HUWE1: variants seen among roughly 807,000 people sequenced by gnomAD.
The protein encoded by HUWE1 is HECT, UBA and WWE domain containing E3 ubiquitin protein ligase 1.
HUWE1 carries 18 observed loss-of-function variants against 299.4 expected under a neutral mutation model. That is an observed-to-expected ratio of 0.06 (90% CI 0.04 to 0.09). HUWE1 has a LOEUF of 0.09. Ranked by LOEUF, HUWE1 falls within the 10% of genes least tolerant of loss-of-function variation. HUWE1 has a pLI of 1.00. For missense variants in HUWE1, 1,832 were observed against 3,462.3 expected (o/e 0.53, Z 11.82); for synonymous variants, 1,317 against 1,286.1 (o/e 1.02, Z -0.51).
rs1011558944 is a variant in HUWE1 at position 53,532,100 on chromosome X, G to C, written c.*1209C>G. 18 of 110,839 alleles carry C rather than the reference G, an allele frequency of 1.6e-4. No individual in the cohort carries two copies. The highest frequency in any genetic ancestry group is 5.9e-4 in the African/African-American group (18 of 30,387). 9.1% of individuals were successfully genotyped at this position (110,839 alleles called of 1,213,427 possible). On this transcript the variant is annotated 3_prime_UTR_variant, in exon 84 of 84. Coordinates refer to ENST00000262854, the MANE Select transcript of HUWE1 (RefSeq NM_031407.7). ...ACCACACAAGGCAAGCACCACTTGG[G>C]GTTATTTTTTCTAACTAAATTTTTA... is the stretch of plus-strand genomic sequence containing the variant.
At position 53,630,991 on chromosome X, in the gene HUWE1, T is replaced by C. The variant is rs1557022218; in HGVS notation, c.806A>G (p.Asn269Ser). The C allele has an allele frequency of 8.3e-7, 1 of 1,199,061 alleles. No individual in the cohort carries two copies. Residue 269 changes from asparagine (N) to serine (S), a missense_variant, in exon 12 of 84, where the codon AAT (asparagine) becomes AGT (serine). Physicochemically the swap from Asn to Ser is conservative, Grantham distance 46 (BLOSUM62 1). Coordinates refer to ENST00000262854, the MANE Select transcript of HUWE1 (RefSeq NM_031407.7). ...AACTGCCTGCAATCGCTTCCTGTGA[T>C]TAGAAAAGCCATGGGCCAGTCGTAT... ...THIRLAHGFS[N>S]HRKRLQAVQA...
chrX:53,672,862 G>C (rs1220436511), intron 3 of HUWE1, among the ~76,000 whole-genome samples: 1 of 111,881 alleles, frequency 8.9e-6, no homozygotes, highest in East Asian at 2.8e-4. Context: ...AGCCTTCGAA[G>C]AAGATACTGC....
rs186546455 is a variant in HUWE1, at chrX:53,562,925, G to A, written c.7110C>T (p.Ser2370=). 8.3e-7 allele frequency: 1 copy of A among 1,200,479 alleles called. No homozygotes were observed. The highest frequency in any genetic ancestry group is 1.7e-5 in the African/African-American group (1 of 57,168). ...CTTGTGATTCATCCTCTCCACTTCT[G>A]CTCACTGAAGGTTACAGAGCAGAGC... The part of the protein sequence containing the change: ...GGSGNSTIIV[S]RSGEDESQED... The change falls in exon 53 of 84, where the codon AGC becomes AGT. Residue 2370 remains serine (S), a synonymous_variant. Coordinates refer to ENST00000262854, the MANE Select transcript of HUWE1 (RefSeq NM_031407.7).
intron 42 of HUWE1, 65 bp from the exon 43 acceptor site, chrX:53,581,091 A>G: frequency 2.2e-6 from 2 of 904,100 alleles, no homozygotes; most frequent in Non-Finnish European, 3.1e-6. Context: ...ACTGCAGTCA[A>G]GAGTTACCAA....
At chrX:53,569,105 C>A (rs1156420929) in intron 48 of HUWE1, among the ~76,000 whole-genome samples, 1 of 111,758 alleles carries the variant, frequency 8.9e-6, no homozygotes, top group Non-Finnish European at 1.9e-5. Context: ...AATCTTGGCT[C>A]ACTGCAACCT....
chrX:53,538,268 C>T (rs1951970017), intron 77 of HUWE1, 69 bp downstream of exon 77: 1 of 759,090 alleles, frequency 1.3e-6, no homozygotes, highest in Non-Finnish European at 2.1e-6. Context: ...TCAAGAGTAA[C>T]TTCAGAGGCG....
intron 23 of HUWE1, 110 bp downstream of exon 23, chrX:53,614,424 T>A (rs782248588): frequency 4.7e-5 from 29 of 614,103 alleles, no homozygotes; most frequent in Non-Finnish European, 7.5e-5. Context: ...TTTAAAATGA[T>A]CTAATACAAC....
At chrX:53,535,996 A>T in intron 80 of HUWE1, 151 bp downstream of exon 80, 2 of 324,603 alleles carry the variant, frequency 6.2e-6, no homozygotes, top group Non-Finnish European at 5.7e-6. Flanking sequence ...CCTGTTTGTG[A>T]TGTCACTCAC....
At chrX:53,618,375 GA>G (rs2065917553) in intron 19 of HUWE1, among the ~76,000 whole-genome samples, 1 of 109,979 alleles carries the variant, frequency 9.1e-6, no homozygotes, top group Admixed American at 9.7e-5. Flanking sequence ...GCCAACAAGT[GA>G]AATAATATAA....
intron 2 of HUWE1, among the ~76,000 whole-genome samples, chrX:53,681,206 C>T (rs1395528464): frequency 1.8e-5 from 2 of 110,332 alleles, no homozygotes; most frequent in African/African-American, 6.6e-5. Flanking sequence ...GAGGCCGAGG[C>T]GGGCGGATCA....
At chrX:53,575,520 G>A in intron 45 of HUWE1, 123 bp downstream of exon 45, 1 of 815,090 alleles carries the variant, frequency 1.2e-6, no homozygotes, top group Non-Finnish European at 1.8e-6. Context: ...ACAGGCAACA[G>A]ATAATTTACA....
chrX:53,538,305 C>G (rs782105064), intron 77 of HUWE1, 32 bp downstream of exon 77: 4 of 1,012,784 alleles, frequency 3.9e-6, no homozygotes, highest in Non-Finnish European at 5.6e-6. Context: ...GTTCTCACCA[C>G]CCCTCTACCC....
At chrX:53,653,683 A>G (rs1158736401) in intron 4 of HUWE1, among the ~76,000 whole-genome samples, 1 of 112,635 alleles carries the variant, frequency 8.9e-6, no homozygotes, top group East Asian at 2.7e-4. Flanking sequence ...AGATGTTACC[A>G]CTTTCATTTT....
At chrX:53,627,107 T>C (rs1036376924) in intron 17 of HUWE1, among the ~76,000 whole-genome samples, 4 of 111,487 alleles carry the variant, frequency 3.6e-5, no homozygotes, top group African/African-American at 9.8e-5. Context: ...TGAATTTTAG[T>C]AGAAATAAGA....
chrX:53,582,584 G>C (rs1370064296), intron 42 of HUWE1, among the ~76,000 whole-genome samples: 1 of 112,456 alleles, frequency 8.9e-6, no homozygotes, highest in Non-Finnish European at 1.9e-5. Context: ...AACGCATATT[G>C]CAACACTGCT....
chrX:53,577,041 T>C lies in HUWE1; in HGVS notation c.5743A>G (p.Arg1915Gly). 8.3e-7 allele frequency: 1 copy of C among 1,209,280 alleles called. No homozygotes were observed. Among genetic ancestry groups the C allele is most frequent in the Non-Finnish European group, 1.1e-6 (1 of 893,468 alleles). Residue 1915 changes from arginine to glycine, a missense_variant, in exon 44 of 84, where the codon AGA becomes GGA. By Grantham distance (125) the Arg-to-Gly change is moderately radical (BLOSUM62 -2). Transcript: ENST00000262854. ...TASDDEFENLRIKGPNAVQLV... is the reference protein window; with the variant it reads ...TASDDEFENLGIKGPNAVQLV... ...TGTACAGCATTAGGGCCTTTAATTCTAAGATTCTCAAATTCATCATCTGAA... is the reference window on the plus strand; with the variant it reads ...TGTACAGCATTAGGGCCTTTAATTCCAAGATTCTCAAATTCATCATCTGAA...
intron 3 of HUWE1, among the ~76,000 whole-genome samples, chrX:53,662,067 C>T (rs1557045761): frequency 8.9e-6 from 1 of 111,994 alleles, no homozygotes; most frequent in African/African-American, 3.3e-5. Flanking sequence ...TAGTGAAAGA[C>T]TAGCCTTACT....
chrX:53,550,875 G>A, intron 65 of HUWE1, 26 bp downstream of exon 65: 1 of 1,208,331 alleles, frequency 8.3e-7, no homozygotes, highest in East Asian at 3.0e-5. Flanking sequence ...GCTTTCCAGA[G>A]CCCTCCCACT....
chrX:53,583,433 G>C, intron 42 of HUWE1, 125 bp downstream of exon 42: 1 of 541,398 alleles, frequency 1.8e-6, no homozygotes, highest in Non-Finnish European at 3.2e-6. Context: ...CTGTTGGGTG[G>C]AGTATACAGT....
Sources: gnomAD v4.1 joint callset for allele counts (sites outside exome capture counted in the v4.1 genomes callset) on GRCh38, gnomAD v4.1.1 for gene constraint, MANE v1.5 for transcripts, NCBI Gene and HGNC (gene_info 2026-07-23, HGNC 2026-07-21) for gene names.